The following ROBO1 variants were observed in gnomAD, a reference collection of about 807,000 sequenced individuals.
ROBO1 encodes the protein roundabout homolog 1.
Under a neutral mutation model 195.9 loss-of-function variants are expected in ROBO1, and 149 were observed. The ratio of observed to expected loss-of-function variants is 0.76; its 90% CI spans 0.67 to 0.87. ROBO1 has a LOEUF of 0.87. ROBO1 is among the 40% of genes least tolerant of loss of function. The probability of loss-of-function intolerance (pLI) is 0.00; values close to 1 mark genes in which losing one functional copy is unlikely to be tolerated. For missense variants in ROBO1, 1,933 were observed against 2,068.3 expected (o/e 0.93, Z 1.27); for synonymous variants, 816 against 733.2 (o/e 1.11, Z -1.82).
intron 5 of ROBO1, among the ~76,000 whole-genome samples, chr3:78,728,277 A>G (rs2082209909): frequency 6.6e-6 from 1 of 152,122 alleles, no homozygotes; most frequent in Non-Finnish European, 1.5e-5. Flanking sequence ...TCTTGATTAG[A>G]TATGATCTGG....
intron 2 of ROBO1, among the ~76,000 whole-genome samples, chr3:79,210,094 G>C (rs977224235): frequency 6.6e-6 from 1 of 152,132 alleles, no homozygotes; most frequent in African/African-American, 2.4e-5. Context: ...CATGCTCATG[G>C]ATGAGTAGAA....
chr3:79,749,714 T>C (rs1051007895), intron 1 of ROBO1, among the ~76,000 whole-genome samples: 2 of 152,186 alleles, frequency 1.3e-5, no homozygotes, highest in African/African-American at 4.8e-5. Context: ...CCATGTGGTG[T>C]TGAACCTACA....
chr3:78,799,445 C>T (rs533941792), intron 4 of ROBO1, among the ~76,000 whole-genome samples: 1 of 152,130 alleles, frequency 6.6e-6, no homozygotes, highest in South Asian at 2.1e-4. Context: ...GGGTTCACGC[C>T]ATTCTCCTGC....
rs331169 is a variant in ROBO1 at position 78,951,061 on chromosome 3, T to A, written c.173-12134A>T. ...AACCTATATATGTGTATGTTATATA[T>A]CATATATAACCTATATCATAGATAT... On this transcript the variant is annotated intron_variant, in intron 3 of 30. Transcript: ENST00000464233. 4.6e-3 allele frequency among the ~76,000 whole-genome samples: 695 copies of A among 151,748 alleles called. 4 individuals are homozygous for A. Among genetic ancestry groups the A allele is most frequent in the Middle Eastern group, 0.028 (8 of 290 alleles).
At chr3:79,094,332 G>A (rs2079528198) in intron 3 of ROBO1, among the ~76,000 whole-genome samples, 1 of 152,124 alleles carries the variant, frequency 6.6e-6, no homozygotes. Flanking sequence ...GAATTTATCA[G>A]TGAGAAGGTC....
chr3:79,441,902 T>C (rs1014348337), intron 2 of ROBO1, among the ~76,000 whole-genome samples: 2 of 152,080 alleles, frequency 1.3e-5, no homozygotes, highest in Admixed American at 6.6e-5. Context: ...ATATGCAACA[T>C]AGCAGTAGTT....
chr3:78,608,624 T>C (rs723766), intron 28 of ROBO1, among the ~76,000 whole-genome samples: 109,309 of 152,006 alleles, frequency 0.72, 39,721 homozygotes, highest in Admixed American at 0.77. Flanking sequence ...AATGTATTAA[T>C]AAGAAAAGCT....
At chr3:79,450,530 T>C (rs1368594035) in intron 2 of ROBO1, among the ~76,000 whole-genome samples, 1 of 152,168 alleles carries the variant, frequency 6.6e-6, no homozygotes, top group Non-Finnish European at 1.5e-5. Context: ...GATAGATTTC[T>C]ATTACATACA....
At chr3:79,453,264 A>G (rs2039506024) in intron 2 of ROBO1, among the ~76,000 whole-genome samples, 1 of 152,064 alleles carries the variant, frequency 6.6e-6, no homozygotes, top group Non-Finnish European at 1.5e-5. Context: ...TCAAATGCAA[A>G]AGACCATTTA....
At position 78,960,713 on chromosome 3, in the gene ROBO1, C is replaced by T. The variant is rs548496007; in HGVS notation, c.173-21786G>A. The stretch of plus-strand genomic sequence containing the variant: ...AATTGCTTGAACCCAGGAGGCAGAG[C>T]TTGCAGTGAGCCGAGATTGCGCCAC... On this transcript the variant is annotated intron_variant, in intron 3 of 30. Transcript: ENST00000464233. Among the ~76,000 whole-genome samples the T allele has an allele frequency of 2.7e-5, 4 of 150,646 alleles. No homozygotes were observed. The South Asian group carries it at 8.4e-4, about 32-fold the overall frequency.
chr3:79,583,446 T>G (rs1039246393), intron 2 of ROBO1, among the ~76,000 whole-genome samples: 1 of 151,914 alleles, frequency 6.6e-6, no homozygotes, highest in Non-Finnish European at 1.5e-5. Flanking sequence ...AGGACTATAG[T>G]ACAGCAGATA....
At chr3:79,642,870 CT>C (rs1353300245) in intron 1 of ROBO1, among the ~76,000 whole-genome samples, 1 of 152,128 alleles carries the variant, frequency 6.6e-6, no homozygotes, top group African/African-American at 2.4e-5. Context: ...CCAGTATAAT[CT>C]AACATTGTAA....
chr3:79,357,423 T>G (rs908979571), intron 2 of ROBO1, among the ~76,000 whole-genome samples: 2 of 152,154 alleles, frequency 1.3e-5, no homozygotes, highest in Non-Finnish European at 2.9e-5. Flanking sequence ...GGTAGTCAGC[T>G]AAAAAGAAAA....
intron 2 of ROBO1, among the ~76,000 whole-genome samples, chr3:79,356,037 A>C (rs1054601463): frequency 6.6e-6 from 1 of 152,172 alleles, no homozygotes; most frequent in African/African-American, 2.4e-5. Flanking sequence ...TCCATATGCT[A>C]TTCTAAATTA....
At chr3:79,470,601 G>A (rs1261144723) in intron 2 of ROBO1, among the ~76,000 whole-genome samples, 2 of 152,174 alleles carry the variant, frequency 1.3e-5, no homozygotes, top group African/African-American at 2.4e-5. Flanking sequence ...TAATCCCCAT[G>A]TGTCAAAGAT....
intron 1 of ROBO1, among the ~76,000 whole-genome samples, chr3:79,647,024 T>C (rs1945839919): frequency 6.6e-6 from 1 of 152,038 alleles, no homozygotes; most frequent in Admixed American, 6.6e-5. Context: ...GTTACAATCA[T>C]CTAGTGTAAG....
At chr3:79,129,967 G>A (rs1576713399) in intron 2 of ROBO1, among the ~76,000 whole-genome samples, 1 of 120,056 alleles carries the variant, frequency 8.3e-6, no homozygotes, top group East Asian at 2.4e-4. Flanking sequence ...TTTTTCTCAG[G>A]TTTGTCAAAG....
intron 1 of ROBO1, among the ~76,000 whole-genome samples, chr3:79,634,314 C>T (rs1945433462): frequency 6.6e-6 from 1 of 152,142 alleles, no homozygotes; most frequent in African/African-American, 2.4e-5. Context: ...CTGGGAAACA[C>T]AGCAGAATTG....
At chr3:78,861,123 C>A (rs1163397982) in intron 4 of ROBO1, among the ~76,000 whole-genome samples, 2 of 152,140 alleles carry the variant, frequency 1.3e-5, no homozygotes, top group Non-Finnish European at 2.9e-5. Context: ...TACTTTTGGA[C>A]ATTCCATGAA....
Sources: allele counts gnomAD v4.1 joint callset (sites outside exome capture counted in the v4.1 genomes callset), GRCh38; gene constraint gnomAD v4.1.1; transcripts MANE v1.5; gene names NCBI Gene and HGNC (gene_info 2026-07-23, HGNC 2026-07-21).